WRN: variants seen among roughly 807,000 people sequenced by gnomAD.
WRN encodes bifunctional 3'-5' exonuclease/ATP-dependent helicase WRN.
In WRN, 149 loss-of-function variants were observed where a neutral mutation model predicts 180.7. The ratio of observed to expected loss-of-function variants is 0.82; its 90% CI spans 0.72 to 0.94. The LOEUF is 0.94. Among genes scored for constraint, WRN ranks in the 40% least tolerant of loss-of-function variants. The pLI is 0.00. For synonymous variants in WRN, 548 were observed against 568.9 expected, an observed-to-expected ratio of 0.96 and a Z score of 0.52; for missense variants, 1,661 against 1,700.1, an observed-to-expected ratio of 0.98 and a Z score of 0.40.
chr8:31,111,838 C>A (rs1015819740), intron 19 of WRN, 39 bp downstream of exon 19: 1 of 1,581,702 alleles, frequency 6.3e-7, no homozygotes, highest in African/African-American at 1.4e-5. Flanking sequence ...GTAATGATTT[C>A]CTTTTTTTTT....
intron 1 of WRN, among the ~76,000 whole-genome samples, chr8:31,049,969 TAATG>T (rs1298581378): frequency 3.9e-5 from 6 of 151,904 alleles, no homozygotes; most frequent in African/African-American, 1.4e-4. Flanking sequence ...AGTAATATAA[TAATG>T]GGAATATAAT....
intron 17 of WRN, among the ~76,000 whole-genome samples, chr8:31,097,089 T>C (rs1195496721): frequency 6.6e-6 from 1 of 152,224 alleles, no homozygotes; most frequent in Non-Finnish European, 1.5e-5. Flanking sequence ...ATCTGTTTTC[T>C]TCTGCTAGGC....
chr8:31,082,036 T>C (rs1039714162), intron 9 of WRN, among the ~76,000 whole-genome samples: 5 of 152,144 alleles, frequency 3.3e-5, no homozygotes, highest in Admixed American at 2.6e-4. Flanking sequence ...GTTGGAATTA[T>C]AGGTGTGAGT....
At chr8:31,045,741 T>C (rs1317314036) in intron 1 of WRN, among the ~76,000 whole-genome samples, 11 of 152,128 alleles carry the variant, frequency 7.2e-5, no homozygotes, top group Non-Finnish European at 1.6e-4. Context: ...AGTTTCATAT[T>C]TAGTAGGGTG....
chr8:31,091,859 G>T lies in WRN; in HGVS notation c.1859G>T (p.Gly620Val). ...KMSNIPACFL[G>V]SAQSENVLTD... ...TCCAACATCCCAGCTTGCTTCCTTG[G>T]ATCAGCACAGTCAGAAAATGTTCTA... is the stretch of plus-strand genomic sequence containing the variant. Residue 620 changes from glycine to valine, a missense_variant, in exon 16 of 35, where the codon GGA becomes GTA. Around this residue, in one of 3 missense-constraint regions of WRN, gnomAD observed 1,141 missense variants for 1,149.4 expected, o/e 0.99. Transcript: ENST00000298139. 1 of 1,613,042 alleles carries T rather than the reference G, an allele frequency of 6.2e-7. No homozygotes were observed. The highest frequency in any genetic ancestry group is 8.5e-7 in the Non-Finnish European group (1 of 1,179,360).
intron 17 of WRN, among the ~76,000 whole-genome samples, chr8:31,100,105 T>G (rs1814161654): frequency 1.3e-5 from 2 of 152,190 alleles, no homozygotes; most frequent in African/African-American, 4.8e-5. Context: ...ATTTGTTAAT[T>G]GAGGACAAAA....
intron 18 of WRN, among the ~76,000 whole-genome samples, chr8:31,105,086 T>C (rs1021360276): frequency 1.1e-5 from 1 of 90,132 alleles, no homozygotes; most frequent in Admixed American, 1.4e-4. Context: ...CAGAGTTTGG[T>C]TGGAGCAGAT....
In WRN at chr8:31,085,390, T is replaced by C. The variant is rs189493771; in HGVS notation, c.1431+144T>C. The stretch of plus-strand genomic sequence containing the variant: ...AACATTAGATTTCACATTTTCCAAT[T>C]CATGTTTCTTTTATGTAGTCTATGA... On this transcript the variant is annotated intron_variant, in intron 11 of 34. Transcript: ENST00000298139. The C allele has an allele frequency of 3.7e-3, 3,351 of 914,452 alleles. 13 individuals carry two copies. The highest frequency in any genetic ancestry group is 5.0e-3 in the Non-Finnish European group (2,988 of 593,374). 56.6% of individuals were successfully genotyped at this position (914,452 alleles called of 1,614,324 possible).
rs1804196739 is a variant in WRN, at chr8:31,174,159, A to T, written c.*1057A>T. Among the ~76,000 whole-genome samples the T allele has an allele frequency of 6.6e-6, 1 of 152,224 alleles. No individual in the cohort carries two copies. Among genetic ancestry groups the T allele is most frequent in the Admixed American group, 6.5e-5 (1 of 15,286 alleles). The stretch of plus-strand genomic sequence containing the variant: ...TAGTTAAAATATAAAAGTCTCGTAT[A>T]TTCCCATTTTTCTGCATTGCATTAC... On this transcript the variant is annotated 3_prime_UTR_variant, in exon 35 of 35. Transcript: ENST00000298139.
Position 31,174,896 on chromosome 8 carries a change from C to G in WRN, c.*1794C>G, listed in dbSNP as rs1018238760. Among the ~76,000 whole-genome samples, 7 of 139,864 alleles carry G rather than the reference C, an allele frequency of 5.0e-5. No homozygotes were observed. Among genetic ancestry groups the G allele is most frequent in the Non-Finnish European group, 9.2e-5 (6 of 65,412 alleles). The allele number at this position is 139,864 out of a possible 152,430, so 91.8% of individuals were successfully genotyped here. On this transcript the variant is annotated 3_prime_UTR_variant, in exon 35 of 35. Transcript: ENST00000298139. ...TCTTTCTTTCTTTCTCTCTCTCTCT[C>G]TCTTTCTTTCTTTTTCTTTCTCTTT...
chr8:31,116,093 T>G (rs917651185), intron 19 of WRN, among the ~76,000 whole-genome samples: 1 of 152,246 alleles, frequency 6.6e-6, no homozygotes, highest in Admixed American at 6.5e-5. Context: ...CAAATAAATT[T>G]GTTTCTGGTT....
chr8:31,085,231 A>G lies in WRN; in HGVS notation c.1416A>G (p.Glu472=), dbSNP rs775363135. The G allele has an allele frequency of 6.2e-7, 1 of 1,612,956 alleles. No homozygotes were observed. Among genetic ancestry groups the G allele is most frequent in the Non-Finnish European group, 8.5e-7 (1 of 1,179,340 alleles). ...TAATTGAGAGTGATGAAGATTTAGA[A>G]ATGGAGATGCTTAAGGTATGTTTAC... The part of the protein sequence containing the change: ...SYVIESDEDL[E]MEMLKSLENL... Residue 472 remains glutamate (E), a synonymous_variant, in exon 11 of 35, where the codon GAA becomes GAG. Coordinates refer to ENST00000298139, the MANE Select transcript of WRN (RefSeq NM_000553.6).
In WRN at chr8:31,111,732, T is replaced by C; in HGVS notation, c.2206T>C (p.Tyr736His). Residue 736 changes from tyrosine to histidine, a missense_variant, in exon 19 of 35, where the codon TAT becomes CAT. Physicochemically the swap from Tyr to His is moderately conservative, Grantham distance 83. Transcript: ENST00000298139. ...TCTGFDRPNL[Y>H]LEVRRKTGNI... ...TACTGGTTTTGATCGACCAAACCTG[T>C]ATTTAGAAGTTAGGCGAAAAACAGG... is the stretch of plus-strand genomic sequence containing the variant. 3.7e-6 allele frequency: 6 copies of C among 1,614,102 alleles called. No homozygotes were observed. The highest frequency in any genetic ancestry group is 5.1e-6 in the Non-Finnish European group (6 of 1,179,982).
chr8:31,093,534 A>G (rs1416907330), intron 16 of WRN, among the ~76,000 whole-genome samples: 1 of 152,192 alleles, frequency 6.6e-6, no homozygotes, highest in Admixed American at 6.5e-5. Context: ...GACTGTTACT[A>G]ATAAAGCTGC....
chr8:31,086,842 C>T (rs1321806233), intron 11 of WRN, among the ~76,000 whole-genome samples: 2 of 152,138 alleles, frequency 1.3e-5, no homozygotes, highest in Non-Finnish European at 2.9e-5. Flanking sequence ...TTATCCATTT[C>T]TCTGAGAAGT....
At chr8:31,060,135 C>T (rs1473229724) in intron 3 of WRN, among the ~76,000 whole-genome samples, 1 of 152,004 alleles carries the variant, frequency 6.6e-6, no homozygotes, top group African/African-American at 2.4e-5. Context: ...TTAAAGGTTG[C>T]CTTGTAAAAT....
At chr8:31,162,484 G>A (rs1563390631) in intron 33 of WRN, among the ~76,000 whole-genome samples, 2 of 152,098 alleles carry the variant, frequency 1.3e-5, no homozygotes, top group Admixed American at 1.3e-4. Context: ...ACCTCCAGAA[G>A]GGCCTGCGTG....
At chr8:31,124,745 C>T in intron 22 of WRN, 122 bp downstream of exon 22, 3 of 1,231,256 alleles carry the variant, frequency 2.4e-6, no homozygotes, top group Non-Finnish European at 2.3e-6. Flanking sequence ...TACATGTGTG[C>T]TGAATTTTTA....
At chr8:31,068,917 G>A (rs991888454) in intron 7 of WRN, among the ~76,000 whole-genome samples, 21 of 152,192 alleles carry the variant, frequency 1.4e-4, no homozygotes, top group African/African-American at 4.6e-4. Context: ...AAGGAGCCAC[G>A]TAGTAGAGTG....
Sources: gnomAD v4.1 joint callset for allele counts (sites outside exome capture counted in the v4.1 genomes callset) on GRCh38, gnomAD v4.1.1 for gene constraint, gnomAD v4.1.1 regional missense constraint, MANE v1.5 for transcripts, NCBI Gene and HGNC (gene_info 2026-07-23, HGNC 2026-07-21) for gene names.